The following PALM2AKAP2 variants were observed in gnomAD, a reference collection of about 807,000 sequenced individuals.
PALM2AKAP2 encodes PALM2-AKAP2 fusion protein.
Under a neutral mutation model 71.5 loss-of-function variants are expected in PALM2AKAP2, and 37 were observed. The observed-to-expected ratio is 0.52, with a 90% CI of 0.40 to 0.68. The LOEUF is 0.68. PALM2AKAP2 is among the 30% of genes least tolerant of loss of function. The probability of loss-of-function intolerance (pLI) is 0.00; values close to 1 mark genes in which losing one functional copy is unlikely to be tolerated. For missense variants in PALM2AKAP2, 1,224 were observed against 1,191.8 expected (o/e 1.03, Z -0.40); for synonymous variants, 468 against 478.8 (o/e 0.98, Z 0.29).
At chr9:110,109,350 A>AAGAG (rs1282560310) in intron 1 of PALM2AKAP2, among the ~76,000 whole-genome samples, 1 of 140,020 alleles carries the variant, frequency 7.1e-6, no homozygotes, top group African/African-American at 2.6e-5. Flanking sequence ...GAAAGAAAGA[A>AAGAG]ACATTTAAAA....
chr9:110,133,523 T>C (rs1835780500), intron 1 of PALM2AKAP2, among the ~76,000 whole-genome samples: 1 of 152,194 alleles, frequency 6.6e-6, no homozygotes, highest in South Asian at 2.1e-4. Context: ...AACTAATTAT[T>C]TGCCTTTTAG....
At chr9:109,803,505 G>T (rs375611261) in intron 1 of PALM2AKAP2, among the ~76,000 whole-genome samples, 13 of 152,290 alleles carry the variant, frequency 8.5e-5, no homozygotes, top group African/African-American at 3.1e-4. Flanking sequence ...GCTGGAAAGA[G>T]GTCTACCTTG....
intron 1 of PALM2AKAP2, among the ~76,000 whole-genome samples, chr9:110,058,560 C>T (rs775936690): frequency 6.6e-6 from 1 of 152,064 alleles, no homozygotes; most frequent in Non-Finnish European, 1.5e-5. Context: ...GGGGGAGGAA[C>T]GCAAATAATG....
intron 1 of PALM2AKAP2, among the ~76,000 whole-genome samples, chr9:110,105,000 A>T (rs1005195898): frequency 6.6e-6 from 1 of 152,230 alleles, no homozygotes; most frequent in African/African-American, 2.4e-5. Flanking sequence ...ACTCAGGTTA[A>T]GTGGTATTAT....
At chr9:109,963,304 C>T (rs1002201891) in intron 6 of PALM2AKAP2, among the ~76,000 whole-genome samples, 11 of 152,116 alleles carry the variant, frequency 7.2e-5, no homozygotes, top group African/African-American at 2.7e-4. Flanking sequence ...GGTACTTCCT[C>T]GAGGAAGCAG....
intron 7 of PALM2AKAP2, among the ~76,000 whole-genome samples, chr9:110,023,305 C>CT (rs149672913): frequency 0.012 from 854 of 74,032 alleles, 83 homozygotes; most frequent in Admixed American, 0.016. Context: ...ATTGTGGTTT[C>CT]TTTTTTTTTT....
intron 1 of PALM2AKAP2, among the ~76,000 whole-genome samples, chr9:110,116,373 T>C (rs149370850): frequency 6.2e-4 from 95 of 152,020 alleles, no homozygotes; most frequent in African/African-American, 2.1e-3. Context: ...CGTGTGTGTG[T>C]GCGTGTGTGT....
At chr9:110,059,990 A>G (rs868192507) in intron 1 of PALM2AKAP2, among the ~76,000 whole-genome samples, 2 of 152,374 alleles carry the variant, frequency 1.3e-5, no homozygotes, top group Middle Eastern at 3.4e-3. Context: ...TTAAAGGTAC[A>G]TAAATGAGAG....
At chr9:110,020,982 T>C (rs561979170) in intron 7 of PALM2AKAP2, among the ~76,000 whole-genome samples, 14 of 152,198 alleles carry the variant, frequency 9.2e-5, no homozygotes, top group South Asian at 6.2e-4. Flanking sequence ...GGCACACGCC[T>C]GTAATCCCAG....
In PALM2AKAP2 at chr9:109,660,278, T is replaced by A. The variant is rs150273779; in HGVS notation, c.5+19412T>A. 2.5e-3 allele frequency among the ~76,000 whole-genome samples: 377 copies of A among 152,300 alleles called. 6 individuals are homozygous for A. The East Asian group carries it at 0.041, about 16-fold the overall frequency. ...TTGATACATAGGTATACATGTGCCA[T>A]GTTGGTTTGCTGCACCCATCAACTC... On this transcript the variant is annotated intron_variant, in intron 1 of 6. Transcript: ENST00000374531.
intron 1 of PALM2AKAP2, among the ~76,000 whole-genome samples, chr9:109,730,354 A>AGT (rs1828537120): frequency 6.6e-6 from 1 of 152,206 alleles, no homozygotes; most frequent in Non-Finnish European, 1.5e-5. Flanking sequence ...GCCAAAACAT[A>AGT]AGCATTATAC....
At chr9:110,109,472 G>A (rs1264619519) in intron 1 of PALM2AKAP2, among the ~76,000 whole-genome samples, 1 of 152,096 alleles carries the variant, frequency 6.6e-6, no homozygotes, top group Non-Finnish European at 1.5e-5. Context: ...AAGCCTCCCT[G>A]GTGACATTCT....
At chr9:110,104,181 T>A (rs7034159) in intron 1 of PALM2AKAP2, among the ~76,000 whole-genome samples, 1,219 of 101,212 alleles carry the variant, frequency 0.012, 8 homozygotes, top group Admixed American at 0.02. Flanking sequence ...TGCTTTTTTT[T>A]GGGGGGGCGG....
At chr9:110,003,206 T>C (rs1257340685) in intron 6 of PALM2AKAP2, among the ~76,000 whole-genome samples, 1 of 152,168 alleles carries the variant, frequency 6.6e-6, no homozygotes, top group Non-Finnish European at 1.5e-5. Context: ...GCTTTGAATG[T>C]GTCCCAGAGA....
At chr9:110,085,542 G>A (rs1834551252) in intron 1 of PALM2AKAP2, among the ~76,000 whole-genome samples, 1 of 152,192 alleles carries the variant, frequency 6.6e-6, no homozygotes, top group Non-Finnish European at 1.5e-5. Flanking sequence ...CAATATGTAA[G>A]TAGAAAACTA....
At chr9:110,035,675 T>G (rs1443200291) in intron 7 of PALM2AKAP2, among the ~76,000 whole-genome samples, 9 of 124,176 alleles carry the variant, frequency 7.2e-5, no homozygotes. Flanking sequence ...TGTTGTGTGT[T>G]ATATATAACA....
intron 1 of PALM2AKAP2, among the ~76,000 whole-genome samples, chr9:109,704,456 G>A (rs540427954): frequency 3.3e-5 from 5 of 152,342 alleles, no homozygotes; most frequent in African/African-American, 1.2e-4. Flanking sequence ...GTAGCAAGAA[G>A]TAGTCCTTGG....
intron 6 of PALM2AKAP2, among the ~76,000 whole-genome samples, chr9:109,995,163 C>T (rs1470871481): frequency 2.6e-5 from 4 of 152,178 alleles, no homozygotes; most frequent in African/African-American, 9.7e-5. Flanking sequence ...ACAGCCCTCT[C>T]CCACCCAGGG....
intron 1 of PALM2AKAP2, among the ~76,000 whole-genome samples, chr9:109,865,271 A>G (rs1829420698): frequency 6.6e-6 from 1 of 151,140 alleles, no homozygotes; most frequent in South Asian, 2.1e-4. Context: ...GCCAATTTTT[A>G]TATTTTTAGT....
Sources: gnomAD v4.1 joint callset for allele counts (sites outside exome capture counted in the v4.1 genomes callset) on GRCh38, gnomAD v4.1.1 for gene constraint, MANE v1.5 for transcripts, NCBI Gene and HGNC (gene_info 2026-07-23, HGNC 2026-07-21) for gene names.